CDIN1: variants seen among roughly 807,000 people sequenced by gnomAD.
The protein encoded by CDIN1 is CDAN1-interacting nuclease 1.
CDIN1 carries 33 observed loss-of-function variants against 45.3 expected under a neutral mutation model. That is an observed-to-expected ratio of 0.73 (90% CI 0.55 to 0.97). The LOEUF is 0.97. Ranked by LOEUF, CDIN1 falls within the 50% of genes least tolerant of loss-of-function variation. The pLI is 0.00. For synonymous variants in CDIN1, 118 were observed against 124.4 expected (o/e 0.95, Z 0.34); for missense variants, 303 against 339.4 (o/e 0.89, Z 0.84).
intron 5 of CDIN1, among the ~76,000 whole-genome samples, chr15:36,664,523 C>T (rs2140500034): frequency 6.6e-6 from 1 of 152,188 alleles, no homozygotes; most frequent in East Asian, 1.9e-4. Flanking sequence ...ATGCTTCCAA[C>T]TGTTCGCAAG....
intron 10 of CDIN1, among the ~76,000 whole-genome samples, chr15:36,771,268 G>A (rs2054069602): frequency 6.6e-6 from 1 of 152,116 alleles, no homozygotes; most frequent in South Asian, 2.1e-4. Flanking sequence ...GGGTTGATGG[G>A]TGCAGCAAAC....
chr15:36,614,620 C>T (rs1415781789), intron 1 of CDIN1, among the ~76,000 whole-genome samples: 2 of 152,138 alleles, frequency 1.3e-5, no homozygotes, highest in Non-Finnish European at 1.5e-5. Context: ...ATTCCCCTCT[C>T]CATAGAGGAG....
chr15:36,619,840 A>T (rs994897768), intron 1 of CDIN1, among the ~76,000 whole-genome samples: 2 of 152,184 alleles, frequency 1.3e-5, no homozygotes, highest in African/African-American at 2.4e-5. Flanking sequence ...GTGAGTGTGT[A>T]CAAGAGCGAT....
chr15:36,717,773 A>T (rs1248948307), intron 10 of CDIN1, among the ~76,000 whole-genome samples: 1 of 152,134 alleles, frequency 6.6e-6, no homozygotes, highest in Non-Finnish European at 1.5e-5. Flanking sequence ...TGAAGTGGTT[A>T]TACCATTTTA....
intron 3 of CDIN1, among the ~76,000 whole-genome samples, chr15:36,651,567 C>G (rs112587377): frequency 7.7e-4 from 117 of 152,240 alleles, no homozygotes; most frequent in African/African-American, 2.7e-3. Context: ...TTTCCTACCA[C>G]TTATGAGGTG....
chr15:36,587,766 A>G (rs1024331364), intron 1 of CDIN1, among the ~76,000 whole-genome samples: 1 of 152,276 alleles, frequency 6.6e-6, no homozygotes, highest in African/African-American at 2.4e-5. Context: ...ATCTCTTTTT[A>G]TCTGAGTCAC....
At chr15:36,587,941 A>C (rs1005360319) in intron 1 of CDIN1, among the ~76,000 whole-genome samples, 5 of 152,158 alleles carry the variant, frequency 3.3e-5, no homozygotes, top group African/African-American at 1.2e-4. Context: ...GAGATAAGGC[A>C]TGTAAAACAG....
chr15:36,747,402 C>A (rs1595551247), intron 10 of CDIN1, among the ~76,000 whole-genome samples: 1 of 152,276 alleles, frequency 6.6e-6, no homozygotes, highest in Non-Finnish European at 1.5e-5. Context: ...TTATTCCATG[C>A]TCTTTTTTAT....
chr15:36,619,085 C>A, intron 1 of CDIN1: 1 of 1,141,302 alleles, frequency 8.8e-7, no homozygotes, highest in Non-Finnish European at 1.3e-6. Context: ...CTTGAGAAAC[C>A]AAATGAGAAG....
chr15:36,618,561 A>G, intron 1 of CDIN1: 1 of 924,378 alleles, frequency 1.1e-6, no homozygotes, highest in East Asian at 2.4e-5. Flanking sequence ...GTTCATCAAG[A>G]ATCCCAGATA....
At chr15:36,696,586 T>G (rs2042433329) in intron 7 of CDIN1, 1 of 152,240 alleles carries the variant, frequency 6.6e-6, no homozygotes, top group Non-Finnish European at 1.5e-5. Flanking sequence ...TTTAAAAATT[T>G]TTTTAGAATT....
intron 1 of CDIN1, among the ~76,000 whole-genome samples, chr15:36,593,920 G>A: frequency 6.6e-6 from 1 of 152,156 alleles, no homozygotes; most frequent in East Asian, 1.9e-4. Flanking sequence ...TACTGATTGT[G>A]AAAAGACCTT....
intron 1 of CDIN1, among the ~76,000 whole-genome samples, chr15:36,600,298 GC>G (rs2038035012): frequency 6.6e-6 from 1 of 152,192 alleles, no homozygotes; most frequent in African/African-American, 2.4e-5. Flanking sequence ...GAGAAAAGGG[GC>G]CCTGTGTGGA....
intron 4 of CDIN1, among the ~76,000 whole-genome samples, chr15:36,655,964 C>G (rs2040766735): frequency 1.3e-5 from 2 of 152,092 alleles, no homozygotes; most frequent in African/African-American, 2.4e-5. Flanking sequence ...ACATTTTCTC[C>G]TACATCAATA....
intron 8 of CDIN1, among the ~76,000 whole-genome samples, chr15:36,703,328 CAGA>C (rs2042724168): frequency 8.6e-6 from 1 of 116,772 alleles, no homozygotes; most frequent in African/African-American, 3.6e-5. Flanking sequence ...ATACATATAT[CAGA>C]TAGATCTATC....
chr15:36,799,658 T>C (rs1166969861), intron 10 of CDIN1: 2 of 152,224 alleles, frequency 1.3e-5, no homozygotes, highest in Non-Finnish European at 1.5e-5. Flanking sequence ...TCAAGTGATA[T>C]AGTTTACTCT....
rs1003582974 is a variant in CDIN1 at position 36,710,191 on chromosome 15, C to T, written c.716+230C>T. ...ATAAGGTCAAAATTAGTATATATTC[C>T]ATTTTTCATTCATTTTACAATAATA... is the stretch of plus-strand genomic sequence containing the variant. On this transcript the variant is annotated intron_variant, in intron 10 of 10. Coordinates refer to ENST00000566621, the MANE Select transcript of CDIN1 (RefSeq NM_001321759.2). 2.2e-4 allele frequency among the ~76,000 whole-genome samples: 33 copies of T among 152,078 alleles called. 1 individual carries two copies. The highest frequency in any genetic ancestry group is 7.0e-4 in the African/African-American group (29 of 41,504).
intron 1 of CDIN1, chr15:36,614,292 C>T (rs1019581588): frequency 3.3e-5 from 19 of 581,706 alleles, no homozygotes; most frequent in African/African-American, 1.5e-4. Context: ...AACTGAGGGC[C>T]GATCTTTAAC....
At chr15:36,732,746 G>A (rs915311309) in intron 10 of CDIN1, among the ~76,000 whole-genome samples, 1 of 151,586 alleles carries the variant, frequency 6.6e-6, no homozygotes, top group African/African-American at 2.4e-5. Context: ...AAAAAGTCAG[G>A]GGAATTATCT....
Sources: gnomAD v4.1 joint callset for allele counts (sites outside exome capture counted in the v4.1 genomes callset) on GRCh38, gnomAD v4.1.1 for gene constraint, MANE v1.5 for transcripts, NCBI Gene and HGNC (gene_info 2026-07-23, HGNC 2026-07-21) for gene names.